NRXN1: variants seen among roughly 807,000 people sequenced by gnomAD.
The protein encoded by NRXN1 is neurexin 1.
Under a neutral mutation model 150.9 loss-of-function variants are expected in NRXN1, and 39 were observed. The ratio of observed to expected loss-of-function variants is 0.26; its 90% CI spans 0.20 to 0.34. The LOEUF (loss-of-function observed/expected upper bound fraction) is 0.34, where lower values mean the gene tolerates loss of function less well. Among genes scored for constraint, NRXN1 ranks in the 10% least tolerant of loss-of-function variants. The probability of loss-of-function intolerance (pLI) is 1.00; values close to 1 mark genes in which losing one functional copy is unlikely to be tolerated. For synonymous variants in NRXN1, 924 were observed against 757.0 expected (o/e 1.22, Z -3.62); for missense variants, 1,815 against 1,949.9 (o/e 0.93, Z 1.30).
At chr2:50,178,891 T>C (rs1301150409) in intron 18 of NRXN1, among the ~76,000 whole-genome samples, 1 of 152,140 alleles carries the variant, frequency 6.6e-6, no homozygotes, top group Non-Finnish European at 1.5e-5. Context: ...CTGGGGAAAA[T>C]GGGGAATCCA....
intron 21 of NRXN1, among the ~76,000 whole-genome samples, chr2:50,039,881 T>C (rs1012716713): frequency 1.3e-5 from 2 of 152,202 alleles, no homozygotes; most frequent in African/African-American, 2.4e-5. Context: ...GAGCAACTGA[T>C]AAGTGCAAGG....
intron 5 of NRXN1, among the ~76,000 whole-genome samples, chr2:50,686,530 C>T (rs1035818050): frequency 1.3e-5 from 2 of 152,178 alleles, no homozygotes; most frequent in African/African-American, 4.8e-5. Context: ...TGCAAAAACA[C>T]TACTGCTTGT....
At chr2:49,985,577 C>A (rs1373125497) in intron 21 of NRXN1, among the ~76,000 whole-genome samples, 1 of 152,190 alleles carries the variant, frequency 6.6e-6, no homozygotes, top group Non-Finnish European at 1.5e-5. Flanking sequence ...ACAATGAAGT[C>A]ATTAGTGTGC....
intron 5 of NRXN1, among the ~76,000 whole-genome samples, chr2:50,833,013 TAAAC>T (rs1239391141): frequency 6.6e-6 from 1 of 152,046 alleles, no homozygotes; most frequent in African/African-American, 2.4e-5. Flanking sequence ...ACAAAATAAT[TAAAC>T]AGACACTTCA....
Position 50,964,844 on chromosome 2 carries a change from T to C in NRXN1, c.773-38889A>G, listed in dbSNP as rs1281764322. Among the ~76,000 whole-genome samples the C allele has an allele frequency of 8.6e-5, 13 of 151,482 alleles. No individual in the cohort carries two copies. In the Admixed American group the frequency reaches 8.6e-4, roughly 10 times the overall value. On this transcript the variant is annotated intron_variant, in intron 2 of 22. Transcript: ENST00000401669. Reference sequence around the variant, plus strand: ...AAGTCATTTAAGAAAACAATTCCCATTGATGCTTGTCTGAGTGCTCAATAT... The same window carrying C: ...AAGTCATTTAAGAAAACAATTCCCACTGATGCTTGTCTGAGTGCTCAATAT...
chr2:51,000,680 GT>G (rs1187896537), intron 2 of NRXN1, among the ~76,000 whole-genome samples: 2 of 151,780 alleles, frequency 1.3e-5, no homozygotes, highest in Non-Finnish European at 2.9e-5. Flanking sequence ...AGAGACAGAT[GT>G]TTTGATTTTT....
chr2:50,799,571 C>G (rs1412057410), intron 5 of NRXN1, among the ~76,000 whole-genome samples: 1 of 152,118 alleles, frequency 6.6e-6, no homozygotes, highest in East Asian at 1.9e-4. Flanking sequence ...CACTAGAAAC[C>G]GTACGTCGAG....
At chr2:50,556,686 A>G (rs1668310483) in intron 8 of NRXN1, among the ~76,000 whole-genome samples, 1 of 152,146 alleles carries the variant, frequency 6.6e-6, no homozygotes, top group East Asian at 1.9e-4. Flanking sequence ...TTTGAGGAAA[A>G]CAATCACTGA....
At chr2:50,629,166 A>C (rs1176999717) in intron 5 of NRXN1, among the ~76,000 whole-genome samples, 1 of 151,770 alleles carries the variant, frequency 6.6e-6, no homozygotes, top group Non-Finnish European at 1.5e-5. Flanking sequence ...ATAGCATACT[A>C]GAATGTTTAC....
intron 8 of NRXN1, among the ~76,000 whole-genome samples, chr2:50,606,502 A>G (rs1158705502): frequency 6.6e-6 from 1 of 151,624 alleles, no homozygotes; most frequent in Non-Finnish European, 1.5e-5. Flanking sequence ...CAAGAAGAAT[A>G]AATTCTAGAG....
Position 50,623,437 on chromosome 2 carries a change from A to G in NRXN1, c.1011T>C (p.Asn337=), listed in dbSNP as rs1390051929. Residue 337 remains asparagine (N), a synonymous_variant, in exon 6 of 23, where the codon AAT becomes AAC. Transcript: ENST00000401669. The stretch of plus-strand genomic sequence containing the variant: ...AATTAATGACCAGAGAGACAGCTCC[A>G]TTTTTCAGGGCAAGATTGACATAAT... ...SADYVNLALK[N]GAVSLVINLG... 1.2e-6 allele frequency: 2 copies of G among 1,613,306 alleles called. No individual in the cohort carries two copies. The highest frequency in any genetic ancestry group is 1.7e-6 in the Non-Finnish European group (2 of 1,179,552).
intron 5 of NRXN1, among the ~76,000 whole-genome samples, chr2:50,720,961 G>C (rs1279691793): frequency 6.6e-6 from 1 of 152,126 alleles, no homozygotes; most frequent in Non-Finnish European, 1.5e-5. Context: ...ATTCCAGTCT[G>C]CAATCCTACA....
At chr2:50,008,554 A>G (rs532971137) in intron 21 of NRXN1, among the ~76,000 whole-genome samples, 3 of 148,882 alleles carry the variant, frequency 2.0e-5, no homozygotes, top group South Asian at 4.3e-4. Flanking sequence ...AGCTCCGAGG[A>G]TGGCATCTTA....
intron 18 of NRXN1, among the ~76,000 whole-genome samples, chr2:50,142,407 T>G (rs1445513189): frequency 6.6e-6 from 1 of 151,790 alleles, no homozygotes; most frequent in Non-Finnish European, 1.5e-5. Flanking sequence ...CACAGTAGGG[T>G]GACTATAGTT....
At chr2:50,003,870 A>G (rs1040835677) in intron 21 of NRXN1, among the ~76,000 whole-genome samples, 18 of 152,172 alleles carry the variant, frequency 1.2e-4, no homozygotes, top group Non-Finnish European at 2.1e-4. Context: ...CATTCCAGAT[A>G]GAAATATCAA....
chr2:50,944,106 T>A (rs1160709961), intron 2 of NRXN1, among the ~76,000 whole-genome samples: 1 of 152,158 alleles, frequency 6.6e-6, no homozygotes, highest in African/African-American at 2.4e-5. Context: ...TATTTTAGAA[T>A]TGTTTTTTCA....
intron 5 of NRXN1, chr2:50,631,139 C>T (rs1258039759): frequency 2.0e-5 from 9 of 441,976 alleles, no homozygotes; most frequent in South Asian, 5.4e-5. Flanking sequence ...AGATTTTCTA[C>T]GTAATATATG....
intron 5 of NRXN1, among the ~76,000 whole-genome samples, chr2:50,871,824 T>C: frequency 6.6e-6 from 1 of 151,844 alleles, no homozygotes; most frequent in Admixed American, 6.6e-5. Context: ...CATTCATCCA[T>C]TGGTCTAAAT....
At chr2:50,328,861 G>C (rs2076561053) in intron 17 of NRXN1, among the ~76,000 whole-genome samples, 1 of 152,144 alleles carries the variant, frequency 6.6e-6, no homozygotes, top group Non-Finnish European at 1.5e-5. Context: ...TCATGCACTT[G>C]ACTCCTGACC....
Sources: allele counts gnomAD v4.1 joint callset (sites outside exome capture counted in the v4.1 genomes callset), GRCh38; gene constraint gnomAD v4.1.1; transcripts MANE v1.5; gene names NCBI Gene and HGNC (gene_info 2026-07-23, HGNC 2026-07-21).